Variants in FARP1 observed in about 807,000 individuals in gnomAD.
FARP1 encodes the protein FERM, ARHGEF and pleckstrin domain-containing protein 1.
FARP1 carries 52 observed loss-of-function variants against 128.8 expected under a neutral mutation model. That is an observed-to-expected ratio of 0.40 (90% CI 0.32 to 0.51). The LOEUF (loss-of-function observed/expected upper bound fraction) is 0.51, where lower values mean the gene tolerates loss of function less well. FARP1 is among the 20% of genes least tolerant of loss of function. The probability of loss-of-function intolerance (pLI) is 0.45; values close to 1 mark genes in which losing one functional copy is unlikely to be tolerated. For synonymous variants in FARP1, 580 were observed against 551.8 expected (o/e 1.05, Z -0.72); for missense variants, 1,333 against 1,367.9 (o/e 0.97, Z 0.40).
At position 98,410,683 on chromosome 13, in the gene FARP1, G is replaced by A. The variant is rs368695350; in HGVS notation, c.1603-51G>A. The A allele has an allele frequency of 1.2e-5, 10 of 862,066 alleles. No homozygotes were observed. The East Asian group carries it at 1.5e-4, about 13-fold the overall frequency. The allele number at this position is 862,066 out of a possible 1,614,324, so 53.4% of individuals were successfully genotyped here. ...CTTTAATGAGGACATTCTCCGAGAC[G>A]CATACTCAAAAATGATTATTGCGCT... On this transcript the variant is annotated intron_variant, in intron 14 of 26. Transcript: ENST00000319562.
intron 3 of FARP1, among the ~76,000 whole-genome samples, chr13:98,360,488 G>A (rs9513409): frequency 0.44 from 67,563 of 152,002 alleles, 16,651 homozygotes; most frequent in Non-Finnish European, 0.58. Context: ...GGAAATGCTC[G>A]CACAGGGGAA....
chr13:98,302,013 G>C (rs1885948002), intron 2 of FARP1, among the ~76,000 whole-genome samples: 1 of 151,674 alleles, frequency 6.6e-6, no homozygotes. Flanking sequence ...GGAATACTTG[G>C]TGTAGACACA....
chr13:98,372,709 C>T (rs755935535), intron 5 of FARP1, among the ~76,000 whole-genome samples: 1 of 152,202 alleles, frequency 6.6e-6, no homozygotes, highest in South Asian at 2.1e-4. Context: ...ACATGTGACT[C>T]TTGCAGTCCC....
chr13:98,176,776 A>G lies in FARP1; in HGVS notation c.-24+33284A>G, dbSNP rs771819119. ...CGTGTCCTTGGGCTTCAGGTACCTCAGGTAGCTGTGGATTCCCCGGTAGAT... is the reference window on the plus strand; with the variant it reads ...CGTGTCCTTGGGCTTCAGGTACCTCGGGTAGCTGTGGATTCCCCGGTAGAT... On this transcript the variant is annotated intron_variant, in intron 1 of 26. Transcript: ENST00000319562. This position sits in a 1 kb window ranked among gnomAD's most constrained non-coding sequence, Gnocchi z 6.2. 5.0e-6 allele frequency: 8 copies of G among 1,613,706 alleles called. No individual in the cohort carries two copies. The East Asian group carries it at 1.6e-4, about 31-fold the overall frequency.
At chr13:98,365,254 G>T in intron 3 of FARP1, 141 bp from the exon 4 acceptor site, 1 of 607,890 alleles carries the variant, frequency 1.6e-6, no homozygotes. Flanking sequence ...CGTAAGATAC[G>T]GCATTCTGGA....
chr13:98,165,218 A>AAAG (rs1229283022), intron 1 of FARP1, among the ~76,000 whole-genome samples: 1 of 148,382 alleles, frequency 6.7e-6, no homozygotes, highest in Non-Finnish European at 1.5e-5. Flanking sequence ...CTGTCTCAAA[A>AAAG]AAAAAAAAAA....
At chr13:98,309,412 G>A (rs112830721) in intron 2 of FARP1, among the ~76,000 whole-genome samples, 25,305 of 150,264 alleles carry the variant, frequency 0.17, 2,758 homozygotes, top group Non-Finnish European at 0.24. Flanking sequence ...CTCGTGATCC[G>A]CCCGCCTCGG....
intron 2 of FARP1, among the ~76,000 whole-genome samples, chr13:98,296,546 T>C (rs1885705734): frequency 6.6e-6 from 1 of 151,870 alleles, no homozygotes; most frequent in South Asian, 2.1e-4. Flanking sequence ...CCTCCACTCC[T>C]AGCACAGGAG....
At position 98,196,377 on chromosome 13, in the gene FARP1, C is replaced by T. The variant is rs115486267; in HGVS notation, c.-23-16843C>T. Among the ~76,000 whole-genome samples, 721 of 152,258 alleles carry T rather than the reference C, an allele frequency of 4.7e-3. 4 individuals are homozygous for T. The highest frequency in any genetic ancestry group is 0.016 in the African/African-American group (669 of 41,554). On this transcript the variant is annotated intron_variant, in intron 1 of 26. Transcript: ENST00000319562. ...GCTGGGTGACTGTGGGCAAGTTAAT[C>T]TCTTGTGTCTCAGTTTCCTCATCTG...
chr13:98,318,514 C>G (rs907665247), intron 2 of FARP1, among the ~76,000 whole-genome samples: 5 of 152,242 alleles, frequency 3.3e-5, no homozygotes, highest in African/African-American at 1.2e-4. Context: ...TAGTCCATAG[C>G]AGTGTCAAAG....
chr13:98,221,969 C>A (rs1401293494), intron 2 of FARP1, among the ~76,000 whole-genome samples: 1 of 152,218 alleles, frequency 6.6e-6, no homozygotes, highest in African/African-American at 2.4e-5. Flanking sequence ...CAATTATTTG[C>A]TGTCTTCTAT....
chr13:98,334,563 A>G (rs1448222368), intron 2 of FARP1, among the ~76,000 whole-genome samples: 1 of 152,184 alleles, frequency 6.6e-6, no homozygotes, highest in Non-Finnish European at 1.5e-5. Flanking sequence ...GGAGATAATA[A>G]TAGCATAAAA....
chr13:98,181,597 ATTATTTATTTATTTAT>A (rs56127904), intron 1 of FARP1, among the ~76,000 whole-genome samples: 9,905 of 135,430 alleles, frequency 0.073, 1,174 homozygotes, highest in East Asian at 0.56. Flanking sequence ...TAGAAATAAT[ATTATTTATTTATTTAT>A]TTATTTATTT....
At chr13:98,446,048 T>C in intron 24 of FARP1, 50 bp from the exon 25 acceptor site, 1 of 1,300,038 alleles carries the variant, frequency 7.7e-7, no homozygotes, top group Non-Finnish European at 1.1e-6. Context: ...CTCTGTGCCC[T>C]CCTGGGGCAG....
intron 2 of FARP1, among the ~76,000 whole-genome samples, chr13:98,242,537 CGT>C (rs998652174): frequency 6.6e-6 from 1 of 151,856 alleles, no homozygotes; most frequent in Non-Finnish European, 1.5e-5. Context: ...AAGGTAGCCA[CGT>C]GTGGTGCTGT....
At chr13:98,257,900 G>A (rs959381273) in intron 2 of FARP1, among the ~76,000 whole-genome samples, 11 of 152,208 alleles carry the variant, frequency 7.2e-5, no homozygotes, top group African/African-American at 2.4e-4. Context: ...GAAGTCACGC[G>A]TGTGTTAAAT....
rs750184254 is a variant in FARP1 at position 98,153,427 on chromosome 13, CATT to C, written c.-24+9938_-24+9940del. The stretch of plus-strand genomic sequence containing the variant: ...ATATAAATATGTATAATATGTAACA[CATT>C]ATATATAAATATGTATAATATATAA... On this transcript the variant is annotated intron_variant, in intron 1 of 26. Transcript: ENST00000319562. 1.4e-3 allele frequency among the ~76,000 whole-genome samples: 182 copies of C among 125,752 alleles called. 29 individuals carry two copies. Among genetic ancestry groups the C allele is most frequent in the South Asian group, 8.2e-3 (34 of 4,136 alleles). The allele number at this position is 125,752 out of a possible 152,430, so 82.5% of individuals were successfully genotyped here.
At chr13:98,223,128 A>C (rs1881526539) in intron 2 of FARP1, among the ~76,000 whole-genome samples, 3 of 152,198 alleles carry the variant, frequency 2.0e-5, no homozygotes, top group Admixed American at 1.3e-4. Context: ...AGGGCGTGGC[A>C]GCTGATGGGA....
chr13:98,447,907 C>T (rs1248229821), intron 26 of FARP1: 15 of 361,848 alleles, frequency 4.1e-5, no homozygotes, highest in Non-Finnish European at 5.1e-5. Flanking sequence ...GGACACGTCC[C>T]GCCATTCTCT....
Sources: gnomAD v4.1 joint callset for allele counts (sites outside exome capture counted in the v4.1 genomes callset) on GRCh38, gnomAD v4.1.1 for gene constraint, Gnocchi (gnomAD v3.1) non-coding constraint, MANE v1.5 for transcripts, NCBI Gene and HGNC (gene_info 2026-07-23, HGNC 2026-07-21) for gene names.